The following EHBP1 variants were observed in gnomAD, a reference collection of about 807,000 sequenced individuals.
EHBP1 encodes the protein EH domain binding protein 1, also known as EH domain-binding protein 1.
EHBP1 carries 55 observed loss-of-function variants against 144.0 expected under a neutral mutation model. That is an observed-to-expected ratio of 0.38 (90% CI 0.31 to 0.48). The LOEUF is 0.48. Ranked by LOEUF, EHBP1 falls within the 20% of genes least tolerant of loss-of-function variation. EHBP1 has a pLI of 0.98. For missense variants in EHBP1, 1,200 were observed against 1,364.2 expected, an observed-to-expected ratio of 0.88 and a Z score of 1.90; for synonymous variants, 469 against 472.7, an observed-to-expected ratio of 0.99 and a Z score of 0.10.
chr2:62,822,231 T>G (rs2046037774), intron 5 of EHBP1, among the ~76,000 whole-genome samples: 1 of 152,174 alleles, frequency 6.6e-6, no homozygotes, highest in Admixed American at 6.5e-5. Context: ...AGAGAAAACA[T>G]TTATTCACCT....
intron 15 of EHBP1, among the ~76,000 whole-genome samples, chr2:62,988,776 A>G (rs897262982): frequency 5.3e-5 from 8 of 152,158 alleles, no homozygotes; most frequent in African/African-American, 1.4e-4. Flanking sequence ...GGCAATAAAA[A>G]GTCTTTGGTG....
chr2:63,037,692 T>C, intron 20 of EHBP1, 58 bp downstream of exon 20: 1 of 919,360 alleles, frequency 1.1e-6, no homozygotes, highest in East Asian at 2.6e-5. Flanking sequence ...TTAGGCCTCT[T>C]GTTATTGCCT....
chr2:62,962,728 C>G (rs924719213), intron 14 of EHBP1, among the ~76,000 whole-genome samples: 4 of 152,136 alleles, frequency 2.6e-5, no homozygotes, highest in Admixed American at 6.6e-5. Context: ...TCTAATTAGT[C>G]TAATCATAAT....
In EHBP1 at chr2:62,943,799, C is replaced by T. The variant is rs2153078792; in HGVS notation, c.1365-3C>T. The T allele has an allele frequency of 1.3e-6, 2 of 1,594,352 alleles. No homozygotes were observed. Among genetic ancestry groups the T allele is most frequent in the African/African-American group, 1.3e-5 (1 of 74,270 alleles). On this transcript the variant is annotated splice_polypyrimidine_tract_variant and splice_region_variant and intron_variant, in intron 11 of 22. Transcript: ENST00000431489. ...GTACCCACTGTGCTATTTTCTCCCTCAGTGACTACAAGTCTCTGAATCCTC... is the reference window on the plus strand; with the variant it reads ...GTACCCACTGTGCTATTTTCTCCCTTAGTGACTACAAGTCTCTGAATCCTC...
intron 19 of EHBP1, among the ~76,000 whole-genome samples, chr2:63,020,225 G>C (rs1234474944): frequency 1.3e-5 from 2 of 150,314 alleles, no homozygotes; most frequent in African/African-American, 4.9e-5. Context: ...TTGAGAGGCT[G>C]AGTCAGGAGA....
chr2:62,986,097 A>C (rs149326957), intron 15 of EHBP1, among the ~76,000 whole-genome samples: 275 of 152,332 alleles, frequency 1.8e-3, no homozygotes, highest in African/African-American at 6.1e-3. Context: ...GTACTACATT[A>C]GATCCCTAAA....
chr2:62,985,805 A>G (rs180759179), intron 15 of EHBP1, among the ~76,000 whole-genome samples: 46 of 152,340 alleles, frequency 3.0e-4, no homozygotes, highest in African/African-American at 1.1e-3. Context: ...GTCATTGGCA[A>G]AGAATAATCT....
chr2:62,765,388 A>G (rs2041099631), intron 4 of EHBP1, among the ~76,000 whole-genome samples: 1 of 152,134 alleles, frequency 6.6e-6, no homozygotes, highest in African/African-American at 2.4e-5. Flanking sequence ...TCATATGTAT[A>G]TGGTGCTGTT....
chr2:62,972,424 C>CA (rs1217922165), intron 14 of EHBP1, among the ~76,000 whole-genome samples: 3 of 151,912 alleles, frequency 2.0e-5, no homozygotes, highest in Non-Finnish European at 2.9e-5. Flanking sequence ...AATATTATTG[C>CA]AAAAAAGTCT....
At chr2:62,838,531 A>C (rs1214454308) in intron 7 of EHBP1, among the ~76,000 whole-genome samples, 2 of 152,222 alleles carry the variant, frequency 1.3e-5, no homozygotes, top group Admixed American at 1.3e-4. Context: ...AAAGCCCTTC[A>C]AAAAATCAGT....
At chr2:62,727,145 G>A (rs1034109817) in intron 2 of EHBP1, among the ~76,000 whole-genome samples, 2 of 152,224 alleles carry the variant, frequency 1.3e-5, no homozygotes, top group Admixed American at 6.5e-5. Flanking sequence ...ACAGGCGTGA[G>A]CCACTGCGCC....
At chr2:62,826,316 A>G in intron 6 of EHBP1, 48 bp downstream of exon 6, 2 of 1,487,392 alleles carry the variant, frequency 1.3e-6, no homozygotes, top group Non-Finnish European at 1.8e-6. Context: ...GTTTCAGTAC[A>G]CCATAGCTTT....
chr2:62,939,933 G>GT lies in EHBP1; in HGVS notation c.1186-2784dup, dbSNP rs553753905. 37 of 222,938 alleles carry GT rather than the reference G, an allele frequency of 1.7e-4. 2 individuals carry two copies. The South Asian group carries it at 2.4e-3, about 15-fold the overall frequency. The allele number at this position is 222,938 out of a possible 1,614,324, so 13.8% of individuals were successfully genotyped here. A position where few individuals can be genotyped will look rare whatever the true frequency, so the allele number is the denominator to read the frequency against. ...CAAGGAACATGTAGGTTAGGAAACT[G>GT]TATCACAGCCATGGGTTTAAGCACT... On this transcript the variant is annotated intron_variant, in intron 10 of 22. Coordinates refer to ENST00000431489, the MANE Select transcript of EHBP1 (RefSeq NM_001142616.3).
At chr2:63,034,378 A>T (rs1219549130) in intron 19 of EHBP1, among the ~76,000 whole-genome samples, 1 of 152,092 alleles carries the variant, frequency 6.6e-6, no homozygotes, top group Non-Finnish European at 1.5e-5. Flanking sequence ...AAAAAAATTT[A>T]AAAAGGATTA....
At chr2:62,842,166 A>G (rs1328208984) in intron 7 of EHBP1, among the ~76,000 whole-genome samples, 1 of 151,754 alleles carries the variant, frequency 6.6e-6, no homozygotes, top group Non-Finnish European at 1.5e-5. Context: ...GGCTCACTGT[A>G]ACTTCCACCT....
At chr2:62,872,210 T>C (rs1336951563) in intron 9 of EHBP1, 3 of 152,142 alleles carry the variant, frequency 2.0e-5, no homozygotes, top group African/African-American at 7.2e-5. Flanking sequence ...TCTTGATGAA[T>C]TATTTTCTAA....
intron 1 of EHBP1, among the ~76,000 whole-genome samples, chr2:62,693,611 T>C (rs72888909): frequency 0.017 from 2,593 of 152,324 alleles, 72 homozygotes; most frequent in African/African-American, 0.058. Context: ...ATATTTATCA[T>C]TTCTTTGTGT....
intron 1 of EHBP1, chr2:62,674,099 C>A: frequency 2.1e-6 from 1 of 471,126 alleles, no homozygotes. Context: ...AACTGGTAGG[C>A]CACAAGCATC....
chr2:62,765,722 A>G (rs2041125117), intron 4 of EHBP1, among the ~76,000 whole-genome samples: 1 of 152,154 alleles, frequency 6.6e-6, no homozygotes, highest in Non-Finnish European at 1.5e-5. Flanking sequence ...TAAATATTTT[A>G]TATTATTATT....
Sources: allele counts gnomAD v4.1 joint callset (sites outside exome capture counted in the v4.1 genomes callset), GRCh38; gene constraint gnomAD v4.1.1; transcripts MANE v1.5; gene names NCBI Gene and HGNC (gene_info 2026-07-23, HGNC 2026-07-21).